STK32C: variants seen among roughly 807,000 people sequenced by gnomAD.
STK32C encodes serine/threonine-protein kinase 32C.
Under a neutral mutation model 56.5 loss-of-function variants are expected in STK32C, and 31 were observed. The ratio of observed to expected loss-of-function variants is 0.55; its 90% CI spans 0.41 to 0.74. The LOEUF (loss-of-function observed/expected upper bound fraction) is 0.74, where lower values mean the gene tolerates loss of function less well. Ranked by LOEUF, STK32C falls within the 30% of genes least tolerant of loss-of-function variation. STK32C has a pLI of 0.00. For missense variants in STK32C, 544 were observed against 676.9 expected, an observed-to-expected ratio of 0.80 and a Z score of 2.18; for synonymous variants, 309 against 289.4, an observed-to-expected ratio of 1.07 and a Z score of -0.69.
chr10:132,293,620 C>G (rs2065639473), intron 1 of STK32C, among the ~76,000 whole-genome samples: 2 of 152,220 alleles, frequency 1.3e-5, no homozygotes, highest in African/African-American at 4.8e-5. Context: ...GGGCAGAGCT[C>G]TTTTAAGAAG....
intron 1 of STK32C, among the ~76,000 whole-genome samples, chr10:132,296,785 T>C (rs2065760679): frequency 6.6e-6 from 1 of 152,220 alleles, no homozygotes; most frequent in Non-Finnish European, 1.5e-5. Flanking sequence ...CTGTGAGGAA[T>C]GGCACCGATC....
intron 1 of STK32C, among the ~76,000 whole-genome samples, chr10:132,299,358 C>G (rs2065847558): frequency 6.6e-6 from 1 of 150,568 alleles, no homozygotes; most frequent in Non-Finnish European, 1.5e-5. Context: ...CCCAGCAGCA[C>G]AGACAGCTAA....
At chr10:132,237,531 A>G (rs1013246167) in intron 2 of STK32C, among the ~76,000 whole-genome samples, 1 of 152,094 alleles carries the variant, frequency 6.6e-6, no homozygotes, top group Non-Finnish European at 1.5e-5. Flanking sequence ...CGTGGTAACC[A>G]CTCCTTCCTA....
chr10:132,305,939 C>A (rs999903782), intron 1 of STK32C, among the ~76,000 whole-genome samples: 1 of 152,182 alleles, frequency 6.6e-6, no homozygotes, highest in African/African-American at 2.4e-5. Flanking sequence ...CGTGGGACAC[C>A]GTCAGCCGAA....
chr10:132,219,243 CCT>C (rs1393552391), intron 10 of STK32C, among the ~76,000 whole-genome samples: 5 of 152,180 alleles, frequency 3.3e-5, no homozygotes, highest in Non-Finnish European at 7.4e-5. Context: ...TTTCCAAAAA[CCT>C]CTCTCAGCCT....
At chr10:132,321,023 T>G (rs1262665476), downstream of STK32C, among the ~76,000 whole-genome samples, 1 of 152,118 alleles carries the variant, frequency 6.6e-6, no homozygotes, top group Admixed American at 6.6e-5. Flanking sequence ...GCTTGCCGTG[T>G]GGTTTGTTTG....
At chr10:132,220,128 G>A (rs1421446088) in intron 10 of STK32C, among the ~76,000 whole-genome samples, 4 of 152,238 alleles carry the variant, frequency 2.6e-5, no homozygotes, top group African/African-American at 9.6e-5. Context: ...TGAGGTCTTT[G>A]CAGATATCAT....
At chr10:132,277,933 C>T (rs1373388313) in intron 1 of STK32C, among the ~76,000 whole-genome samples, 1 of 152,184 alleles carries the variant, frequency 6.6e-6, no homozygotes, top group Non-Finnish European at 1.5e-5. Context: ...TCTTCATCTC[C>T]CAAATCACGA....
intron 1 of STK32C, among the ~76,000 whole-genome samples, chr10:132,283,269 A>G (rs2065272020): frequency 6.6e-6 from 1 of 151,720 alleles, no homozygotes; most frequent in Non-Finnish European, 1.5e-5. Context: ...CACGCTGATC[A>G]GTGGCTTTGG....
chr10:132,300,128 C>A (rs2065869614), intron 1 of STK32C, among the ~76,000 whole-genome samples: 1 of 152,276 alleles, frequency 6.6e-6, no homozygotes, highest in Admixed American at 6.5e-5. Context: ...ATCACACTTT[C>A]TGCCTTCTGC....
At chr10:132,263,276 T>A (rs56094153) in intron 1 of STK32C, among the ~76,000 whole-genome samples, 53,161 of 151,700 alleles carry the variant, frequency 0.35, 9,515 homozygotes, top group Admixed American at 0.46. Context: ...AGAGCAAGAT[T>A]ATGGCCTCTG....
intron 10 of STK32C, among the ~76,000 whole-genome samples, chr10:132,209,682 G>A (rs2062228002): frequency 6.6e-6 from 1 of 152,144 alleles, no homozygotes; most frequent in Non-Finnish European, 1.5e-5. Context: ...GGAGGGCGTG[G>A]GTGGGGTGGA....
chr10:132,331,382 C>A, intron 1 of STK32C: 1 of 1,541,952 alleles, frequency 6.5e-7, no homozygotes, highest in South Asian at 1.2e-5. Flanking sequence ...CCCTCCCGCC[C>A]GGTGTCATTT....
At chr10:132,219,686 AGGGCTGCCGGCAGCCGTCCT>A (rs1194622516) in intron 10 of STK32C, among the ~76,000 whole-genome samples, 1 of 152,142 alleles carries the variant, frequency 6.6e-6, no homozygotes, top group Non-Finnish European at 1.5e-5. Flanking sequence ...GAGGACACCC[AGGGCTGCCGGCAGCCGTCCT>A]GGAGGAGGGG....
chr10:132,229,581 C>T (rs1327881484), intron 2 of STK32C, among the ~76,000 whole-genome samples: 3 of 152,216 alleles, frequency 2.0e-5, no homozygotes, highest in Admixed American at 1.3e-4. Flanking sequence ...CATGTTTGTT[C>T]TGGGATTTGG....
chr10:132,283,665 A>G (rs2065285274), intron 1 of STK32C, among the ~76,000 whole-genome samples: 1 of 152,186 alleles, frequency 6.6e-6, no homozygotes. Flanking sequence ...TGCAGAGCTG[A>G]AGAGAGGAGG....
In STK32C at chr10:132,209,190, G is replaced by C. The variant is rs1022206567; in HGVS notation, c.1252-89C>G. The C allele has an allele frequency of 1.4e-5, 18 of 1,252,174 alleles. No individual in the cohort carries two copies. The African/African-American group carries it at 1.5e-4, about 10-fold the overall frequency. The allele number at this position is 1,252,174 out of a possible 1,614,324, so 77.6% of individuals were successfully genotyped here. ...AAGTGAGTGTCTGGGCATCCCCATC[G>C]GGCCTCCACCTGTGGCTTTGGATGA... is the stretch of plus-strand genomic sequence containing the variant. On this transcript the variant is annotated intron_variant, in intron 10 of 11. Coordinates refer to ENST00000298630, the MANE Select transcript of STK32C (RefSeq NM_173575.4).
chr10:132,225,389 C>T (rs976023307), intron 6 of STK32C, 53 bp from the exon 7 acceptor site: 8 of 1,588,052 alleles, frequency 5.0e-6, no homozygotes, highest in Non-Finnish European at 6.9e-6. Context: ...AGCCCGGACC[C>T]GTGGGCACAG....
chr10:132,208,112 G>A lies in STK32C; in HGVS notation c.1359C>T (p.Pro453=), dbSNP rs758633064. The A allele has an allele frequency of 4.8e-5, 63 of 1,310,964 alleles. No individual in the cohort carries two copies. The highest frequency in any genetic ancestry group is 3.5e-4 in the South Asian group (11 of 31,458). The allele number at this position is 1,310,964 out of a possible 1,614,324, so 81.2% of individuals were successfully genotyped here. A position where few individuals can be genotyped will look rare whatever the true frequency, so the allele number is the denominator to read the frequency against. The change falls in exon 12 of 12, where the codon CCC becomes CCT. Residue 453 remains proline (P), a synonymous_variant. Transcript: ENST00000298630. ...RSQDLPREPL[P]APESRDAAEP... Reference sequence around the variant, plus strand: ...CCGCAGCATCCCTGGACTCAGGGGCGGGGAGAGGCTCCCTCGGGAGGTCCT... The same window carrying A: ...CCGCAGCATCCCTGGACTCAGGGGCAGGGAGAGGCTCCCTCGGGAGGTCCT...
Sources: gnomAD v4.1 joint callset for allele counts (sites outside exome capture counted in the v4.1 genomes callset) on GRCh38, gnomAD v4.1.1 for gene constraint, MANE v1.5 for transcripts, NCBI Gene and HGNC (gene_info 2026-07-23, HGNC 2026-07-21) for gene names.